Variants in EPHA6 observed in about 807,000 individuals in gnomAD.
EPHA6 encodes the protein ephrin type-A receptor 6.
EPHA6 carries 50 observed loss-of-function variants against 112.0 expected under a neutral mutation model. That is an observed-to-expected ratio of 0.45 (90% CI 0.36 to 0.56). The LOEUF (loss-of-function observed/expected upper bound fraction) is 0.56. Among genes scored for constraint, EPHA6 ranks in the 20% least tolerant of loss-of-function variants. The pLI is 0.00. For synonymous variants in EPHA6, 529 were observed against 490.7 expected (o/e 1.08, Z -1.03); for missense variants, 1,280 against 1,417.4 (o/e 0.90, Z 1.56).
At chr3:97,343,842 G>A (rs1225922944) in intron 5 of EPHA6, among the ~76,000 whole-genome samples, 1 of 152,188 alleles carries the variant, frequency 6.6e-6, no homozygotes, top group Non-Finnish European at 1.5e-5. Context: ...GCCCTACAGA[G>A]CAAAGGGAGT....
rs2035766091 is a variant in EPHA6, at chr3:97,747,459, T to A, written c.3165T>A (p.Pro1055=). 4 of 1,596,840 alleles carry A rather than the reference T, an allele frequency of 2.5e-6. No homozygotes were observed. The Middle Eastern group carries it at 5.0e-4, about 198-fold the overall frequency. ...PESPGEVPEY[P]LFVTVGDWLD... is the part of the protein sequence containing the mutation. ...CCCCTGGTGAAGTTCCGGAATATCC[T>A]TTGTTTGTCACAGTTGGTGACTGGC... Residue 1055 remains proline, a synonymous_variant, in exon 17 of 18, where the codon CCT becomes CCA. Coordinates refer to ENST00000389672, the MANE Select transcript of EPHA6 (RefSeq NM_001080448.3).
At chr3:97,534,588 G>C (rs1416620483) in intron 11 of EPHA6, among the ~76,000 whole-genome samples, 1 of 150,856 alleles carries the variant, frequency 6.6e-6, no homozygotes, top group Non-Finnish European at 1.5e-5. Flanking sequence ...TTTCAGAATA[G>C]GAAAAAAATA....
At chr3:96,895,245 G>GT (rs376304526) in intron 2 of EPHA6, among the ~76,000 whole-genome samples, 21 of 149,444 alleles carry the variant, frequency 1.4e-4, no homozygotes, top group African/African-American at 2.9e-4. Flanking sequence ...AGCTAATCTT[G>GT]TTTTTTTTTC....
intron 17 of EPHA6, among the ~76,000 whole-genome samples, chr3:97,748,176 T>C (rs572195182): frequency 2.0e-5 from 3 of 152,240 alleles, no homozygotes; most frequent in African/African-American, 7.2e-5. Context: ...GAGTTCATAT[T>C]ATACCTTCCA....
chr3:97,352,623 G>A (rs1037972258), intron 5 of EPHA6, among the ~76,000 whole-genome samples: 2 of 152,178 alleles, frequency 1.3e-5, no homozygotes, highest in African/African-American at 2.4e-5. Context: ...GAGGGGAGGT[G>A]TCCATCCCAG....
chr3:97,395,742 G>T (rs529061025), intron 5 of EPHA6, among the ~76,000 whole-genome samples: 2 of 150,906 alleles, frequency 1.3e-5, no homozygotes, highest in African/African-American at 4.9e-5. Flanking sequence ...CCTAAAAGAG[G>T]CACAAGGAAG....
At chr3:97,073,320 A>C (rs2046416064) in intron 3 of EPHA6, among the ~76,000 whole-genome samples, 1 of 152,090 alleles carries the variant, frequency 6.6e-6, no homozygotes, top group Admixed American at 6.6e-5. Flanking sequence ...AATGAAAAGG[A>C]TTTCCTTATT....
intron 3 of EPHA6, among the ~76,000 whole-genome samples, chr3:97,009,555 A>G (rs1230934044): frequency 6.6e-6 from 1 of 152,156 alleles, no homozygotes; most frequent in African/African-American, 2.4e-5. Context: ...TGCCAGTCCC[A>G]CTGCTGGTTG....
At chr3:97,034,553 A>G (rs1576362782) in intron 3 of EPHA6, among the ~76,000 whole-genome samples, 1 of 151,924 alleles carries the variant, frequency 6.6e-6, no homozygotes, top group Non-Finnish European at 1.5e-5. Context: ...TCCCTTGCTT[A>G]AAGTCACCTC....
chr3:96,949,352 G>A (rs957231053), intron 2 of EPHA6, among the ~76,000 whole-genome samples: 27 of 152,028 alleles, frequency 1.8e-4, no homozygotes, highest in Non-Finnish European at 3.1e-4. Flanking sequence ...TGAAAGATGG[G>A]CTGGGAATTC....
chr3:97,051,976 A>G (rs753787721), intron 3 of EPHA6, among the ~76,000 whole-genome samples: 1 of 152,168 alleles, frequency 6.6e-6, no homozygotes, highest in Non-Finnish European at 1.5e-5. Context: ...AATTAAAATA[A>G]TAGTAATGTT....
rs866315363 is a variant in EPHA6 at position 97,657,270 on chromosome 3, A to G, written c.2784+19188A>G. 2.2e-4 allele frequency among the ~76,000 whole-genome samples: 34 copies of G among 151,738 alleles called. 1 individual carries two copies. The highest frequency in any genetic ancestry group is 6.6e-4 in the Admixed American group (10 of 15,186). On this transcript the variant is annotated intron_variant, in intron 14 of 17. Transcript: ENST00000389672. ...TGTGTTTCTTAGTTAAGATGAAACT[A>G]TGTTTACTTTTAAAAATAACTGCCA... is the stretch of plus-strand genomic sequence containing the variant.
At position 97,226,441 on chromosome 3, in the gene EPHA6, T is replaced by C. The variant is rs1373188519; in HGVS notation, c.1270+22T>C. Reference sequence around the variant, plus strand: ...ACCAGTAAGTCTATACATTTTGGATTTGGAAATTCTGTTTCCAACCCTTTT... The same window carrying C: ...ACCAGTAAGTCTATACATTTTGGATCTGGAAATTCTGTTTCCAACCCTTTT... On this transcript the variant is annotated intron_variant, in intron 4 of 17. Transcript: ENST00000389672. The C allele has an allele frequency of 1.0e-5, 16 of 1,579,284 alleles. No homozygotes were observed. In the Admixed American group the frequency reaches 2.3e-4, roughly 23 times the overall value.
At chr3:96,889,464 T>G (rs1466192514) in intron 2 of EPHA6, among the ~76,000 whole-genome samples, 1 of 152,138 alleles carries the variant, frequency 6.6e-6, no homozygotes, top group Non-Finnish European at 1.5e-5. Flanking sequence ...GAAAGGCACT[T>G]CTTACATGGT....
At chr3:97,654,615 G>C (rs2094127006) in intron 14 of EPHA6, among the ~76,000 whole-genome samples, 1 of 151,850 alleles carries the variant, frequency 6.6e-6, no homozygotes, top group South Asian at 2.1e-4. Flanking sequence ...AATTGTAAAG[G>C]TACCAGCCAG....
At chr3:97,747,257 T>C (rs937819139) in intron 16 of EPHA6, among the ~76,000 whole-genome samples, 166 bp from the exon 17 acceptor site, 4 of 152,036 alleles carry the variant, frequency 2.6e-5, no homozygotes, top group Non-Finnish European at 5.9e-5. Flanking sequence ...TAAATAATTT[T>C]TTAAAGTGAC....
intron 5 of EPHA6, among the ~76,000 whole-genome samples, chr3:97,253,360 T>G (rs571438622): frequency 6.6e-6 from 1 of 152,178 alleles, no homozygotes; most frequent in Non-Finnish European, 1.5e-5. Context: ...AAAAACAAAT[T>G]GAAAGAGAGT....
intron 14 of EPHA6, among the ~76,000 whole-genome samples, chr3:97,640,118 T>C (rs542404184): frequency 5.8e-4 from 89 of 152,262 alleles, no homozygotes; most frequent in African/African-American, 2.0e-3. Flanking sequence ...GTAAGTGTGG[T>C]CATGGGGGTC....
At chr3:97,495,915 T>A (rs1057186246) in intron 10 of EPHA6, among the ~76,000 whole-genome samples, 5 of 152,176 alleles carry the variant, frequency 3.3e-5, no homozygotes, top group African/African-American at 1.2e-4. Flanking sequence ...TGGCCGTACT[T>A]TTTCCCTGGA....
Sources: gnomAD v4.1 joint callset for allele counts (sites outside exome capture counted in the v4.1 genomes callset) on GRCh38, gnomAD v4.1.1 for gene constraint, MANE v1.5 for transcripts, NCBI Gene and HGNC (gene_info 2026-07-23, HGNC 2026-07-21) for gene names.